TRAK1: variants seen among roughly 807,000 people sequenced by gnomAD.
The protein encoded by TRAK1 is trafficking kinesin-binding protein 1.
TRAK1 carries 33 observed loss-of-function variants against 92.1 expected under a neutral mutation model. The ratio of observed to expected loss-of-function variants is 0.36; its 90% CI spans 0.27 to 0.48. The LOEUF (loss-of-function observed/expected upper bound fraction) is 0.48. Among genes scored for constraint, TRAK1 ranks in the 20% least tolerant of loss-of-function variants. The pLI is 0.99. For missense variants in TRAK1, 1,123 were observed against 1,257.9 expected (o/e 0.89, Z 1.62); for synonymous variants, 521 against 517.3 (o/e 1.01, Z -0.10).
chr3:42,184,556 G>A, intron 3 of TRAK1, 129 bp from the exon 4 acceptor site: 1 of 933,602 alleles, frequency 1.1e-6, no homozygotes. Flanking sequence ...TGCTAACACA[G>A]ATGGTGAATT....
At chr3:42,072,491 T>C (rs540578212) in intron 1 of TRAK1, among the ~76,000 whole-genome samples, 121 of 152,014 alleles carry the variant, frequency 8.0e-4, no homozygotes, top group African/African-American at 2.8e-3. Context: ...TGGCATTTTA[T>C]AAATCTGCTG....
chr3:42,067,647 C>T (rs757026336), intron 1 of TRAK1, among the ~76,000 whole-genome samples: 3 of 151,094 alleles, frequency 2.0e-5, no homozygotes, highest in African/African-American at 4.9e-5. Flanking sequence ...CAGAAGTTGA[C>T]GGCAATGTGA....
intron 2 of TRAK1, among the ~76,000 whole-genome samples, chr3:42,150,903 G>C (rs1299114894): frequency 6.6e-6 from 1 of 152,138 alleles, no homozygotes; most frequent in Non-Finnish European, 1.5e-5. Context: ...TTTTTCTTTG[G>C]AATATATTCA....
intron 1 of TRAK1, among the ~76,000 whole-genome samples, chr3:42,113,919 C>T (rs150291033): frequency 2.0e-4 from 30 of 152,260 alleles, no homozygotes; most frequent in African/African-American, 6.0e-4. Context: ...CACCCATAAC[C>T]GTTTAGTTCC....
At chr3:42,052,258 AC>A (rs1703013898) in intron 1 of TRAK1, among the ~76,000 whole-genome samples, 1 of 152,214 alleles carries the variant, frequency 6.6e-6, no homozygotes, top group South Asian at 2.1e-4. Context: ...CCCAACCAGT[AC>A]CGTCAGCATC....
chr3:42,104,177 G>A (rs1707203185), intron 1 of TRAK1, among the ~76,000 whole-genome samples: 2 of 152,176 alleles, frequency 1.3e-5, no homozygotes, highest in Admixed American at 6.5e-5. Context: ...CGGGAAGCTC[G>A]AACTGGGTGG....
At chr3:42,068,788 GTATGCTTA>G (rs1216378624) in intron 1 of TRAK1, among the ~76,000 whole-genome samples, 6 of 152,166 alleles carry the variant, frequency 3.9e-5, no homozygotes, top group African/African-American at 4.8e-5. Context: ...AACATTAACT[GTATGCTTA>G]GAGTGCATTT....
intron 1 of TRAK1, among the ~76,000 whole-genome samples, chr3:42,048,614 A>T (rs1438814289): frequency 7.0e-6 from 1 of 142,404 alleles, no homozygotes; most frequent in Non-Finnish European, 1.5e-5. Context: ...CCTAGACTGG[A>T]GTGCAGTGGT....
intron 1 of TRAK1, among the ~76,000 whole-genome samples, chr3:42,056,506 A>G (rs1209641221): frequency 6.6e-6 from 1 of 152,178 alleles, no homozygotes; most frequent in Admixed American, 6.5e-5. Flanking sequence ...TGGATAACAG[A>G]TGTTAAAAAC....
At chr3:42,115,740 C>T (rs975939916) in intron 1 of TRAK1, among the ~76,000 whole-genome samples, 1 of 152,204 alleles carries the variant, frequency 6.6e-6, no homozygotes, top group Non-Finnish European at 1.5e-5. Context: ...TTCTGGAGAT[C>T]CCCTTTGCTG....
At chr3:42,208,183 A>G (rs1708552186) in intron 13 of TRAK1, among the ~76,000 whole-genome samples, 1 of 152,118 alleles carries the variant, frequency 6.6e-6, no homozygotes, top group African/African-American at 2.4e-5. Context: ...TGAATTTAGA[A>G]TATTTTCTAT....
In TRAK1 at chr3:42,202,323, A is replaced by T. The variant is rs1333797704; in HGVS notation, c.1428-113A>T. ...ATGTCAACTGCTTGCCTTGGTTCCC[A>T]TGGAGAATCCTGTAGCCCCAGGGAA... On this transcript the variant is annotated intron_variant, in intron 12 of 15. Coordinates refer to ENST00000327628, the MANE Select transcript of TRAK1 (RefSeq NM_001042646.3). The surrounding 1 kb of genome is among the most constrained non-coding windows in gnomAD (Gnocchi z 6.1). 1.7e-6 allele frequency: 2 copies of T among 1,177,266 alleles called. No individual in the cohort carries two copies. Among genetic ancestry groups the T allele is most frequent in the South Asian group, 3.5e-5 (1 of 28,508 alleles). The allele number at this position is 1,177,266 out of a possible 1,614,324, so 72.9% of individuals were successfully genotyped here.
intron 2 of TRAK1, among the ~76,000 whole-genome samples, chr3:42,144,438 A>G (rs564840428): frequency 6.6e-6 from 1 of 152,292 alleles, no homozygotes; most frequent in African/African-American, 2.4e-5. Flanking sequence ...GATGAGACTG[A>G]TGTTATCTAA....
intron 8 of TRAK1, among the ~76,000 whole-genome samples, chr3:42,193,429 TA>T (rs568349951): frequency 1.4e-3 from 209 of 152,346 alleles, no homozygotes; most frequent in East Asian, 5.8e-4. Context: ...TTGAATTCAT[TA>T]AAAAGATGTT....
intron 2 of TRAK1, chr3:42,151,353 T>C (rs144831767): frequency 4.2e-5 from 19 of 456,662 alleles, no homozygotes; most frequent in African/African-American, 3.4e-4. Flanking sequence ...CAGTTGAGTC[T>C]TTTGGCCCTG....
intron 2 of TRAK1, among the ~76,000 whole-genome samples, chr3:42,141,245 T>C (rs983544804): frequency 6.6e-6 from 1 of 152,230 alleles, no homozygotes; most frequent in Non-Finnish European, 1.5e-5. Flanking sequence ...ATTACAAATA[T>C]GTTTAATTGG....
chr3:42,195,949 T>A (rs1375925413), intron 10 of TRAK1, among the ~76,000 whole-genome samples: 2 of 152,210 alleles, frequency 1.3e-5, no homozygotes, highest in East Asian at 3.8e-4. Flanking sequence ...CTTGTCATCT[T>A]GGTGCAGTGA....
At chr3:42,144,418 C>T (rs1162820472) in intron 2 of TRAK1, among the ~76,000 whole-genome samples, 1 of 152,082 alleles carries the variant, frequency 6.6e-6, no homozygotes, top group East Asian at 1.9e-4. Context: ...ATAATCACCC[C>T]CATTTAGCAG....
At chr3:42,122,106 C>A (rs1709962030) in intron 1 of TRAK1, among the ~76,000 whole-genome samples, 1 of 152,320 alleles carries the variant, frequency 6.6e-6, no homozygotes, top group African/African-American at 2.4e-5. Context: ...GTGTGAGCCA[C>A]TGCGCCTGGG....
Sources: allele counts gnomAD v4.1 joint callset (sites outside exome capture counted in the v4.1 genomes callset), GRCh38; gene constraint gnomAD v4.1.1; non-coding constraint Gnocchi (gnomAD v3.1); transcripts MANE v1.5; gene names NCBI Gene and HGNC (gene_info 2026-07-23, HGNC 2026-07-21).